Variants in BTBD1 observed in about 807,000 individuals in gnomAD.
BTBD1 encodes BTB/POZ domain-containing protein 1.
In BTBD1, 34 loss-of-function variants were observed where a neutral mutation model predicts 48.0. The observed-to-expected ratio is 0.71, with a 90% CI of 0.54 to 0.94. The LOEUF is 0.94. BTBD1 is among the 40% of genes least tolerant of loss of function. BTBD1 has a pLI of 0.00. For missense variants in BTBD1, 543 were observed against 625.6 expected, an observed-to-expected ratio of 0.87 and a Z score of 1.41; for synonymous variants, 261 against 242.1, an observed-to-expected ratio of 1.08 and a Z score of -0.72.
At chr15:83,055,317 GCGCAATCTCGGCTC>G (rs1256740638) in intron 2 of BTBD1, among the ~76,000 whole-genome samples, 1 of 152,136 alleles carries the variant, frequency 6.6e-6, no homozygotes, top group Non-Finnish European at 1.5e-5. Flanking sequence ...GACTGCAATG[GCGCAATCTCGGCTC>G]ACTGCAACCT....
intron 1 of BTBD1, among the ~76,000 whole-genome samples, chr15:83,061,086 C>A (rs985723925): frequency 1.3e-5 from 2 of 152,158 alleles, no homozygotes; most frequent in Non-Finnish European, 2.9e-5. Flanking sequence ...CATCATCATG[C>A]AAACATCATA....
At chr15:83,051,141 A>G (rs1196044886) in intron 2 of BTBD1, among the ~76,000 whole-genome samples, 3 of 152,042 alleles carry the variant, frequency 2.0e-5, no homozygotes, top group Non-Finnish European at 2.9e-5. Flanking sequence ...CATGCCAATG[A>G]CCAACCTTTC....
intron 3 of BTBD1, among the ~76,000 whole-genome samples, chr15:83,045,561 A>G (rs560322563): frequency 6.6e-6 from 1 of 152,224 alleles, no homozygotes; most frequent in Non-Finnish European, 1.5e-5. Flanking sequence ...GCTAAGAGCC[A>G]AATATTTGCT....
Position 83,066,994 on chromosome 15 carries a change from G to A in BTBD1, c.158C>T (p.Ala53Val). ...EPLYNWQATK[A>V]SLKERFAFLF... ...GAAGGCGAAGCGCTCCTTCAGCGACGCCTTGGTCGCCTGCCAGTTGTAGAG... is the reference window on the plus strand; with the variant it reads ...GAAGGCGAAGCGCTCCTTCAGCGACACCTTGGTCGCCTGCCAGTTGTAGAG... Residue 53 changes from alanine (A) to valine (V), a missense_variant, in exon 1 of 8, where the codon GCG (alanine) becomes GTG (valine). Physicochemically the swap from Ala to Val is moderately conservative, Grantham distance 64. Around this residue, in one of 3 missense-constraint regions of BTBD1, gnomAD observed 173 missense variants for 163.9 expected, o/e 1.06. Transcript: ENST00000261721. 6.3e-7 allele frequency: 1 copy of A among 1,585,628 alleles called. No homozygotes were observed. The highest frequency in any genetic ancestry group is 2.5e-5 in the East Asian group (1 of 40,634).
intron 3 of BTBD1, chr15:83,044,736 G>A: frequency 6.8e-7 from 1 of 1,468,330 alleles, no homozygotes; most frequent in Non-Finnish European, 9.4e-7. Flanking sequence ...CATGAACAAT[G>A]TCGCCTGTAC....
chr15:83,061,126 A>G (rs2033169077), intron 1 of BTBD1, among the ~76,000 whole-genome samples: 1 of 152,260 alleles, frequency 6.6e-6, no homozygotes, highest in African/African-American at 2.4e-5. Flanking sequence ...TCAATGGTAT[A>G]GCCTACTACG....
In BTBD1 at chr15:83,030,237, A is replaced by C; in HGVS notation, c.954T>G (p.Ile318Met). The C allele has an allele frequency of 1.2e-6, 2 of 1,614,096 alleles. No individual in the cohort carries two copies. The highest frequency in any genetic ancestry group is 1.7e-6 in the Non-Finnish European group (2 of 1,180,002). ...TVNPKPRVEY[I>M]DRPRCCLRGK... is the part of the protein sequence containing the mutation. ...CCCTGAGACAGCATCTTGGTCGGTCAATGTATTCAACTCGGGGTTTAGGGT... is the reference window on the plus strand; with the variant it reads ...CCCTGAGACAGCATCTTGGTCGGTCCATGTATTCAACTCGGGGTTTAGGGT... The change falls in exon 5 of 8, where the codon ATT becomes ATG. Residue 318 changes from isoleucine to methionine, a missense_variant. Transcript: ENST00000261721.
In BTBD1 at chr15:83,039,915, T is replaced by C. The variant is rs1284416598; in HGVS notation, c.862+1813A>G. Among the ~76,000 whole-genome samples, 4 of 151,556 alleles carry C rather than the reference T, an allele frequency of 2.6e-5. No homozygotes were observed. The East Asian group carries it at 5.8e-4, about 22-fold the overall frequency. ...TTCCACCAAAAGACACATGCACTCA[T>C]ATGTTCATCACAGCAACGACACTGA... On this transcript the variant is annotated intron_variant, in intron 4 of 7. Transcript: ENST00000261721.
intron 3 of BTBD1, chr15:83,044,358 C>A: frequency 6.7e-7 from 1 of 1,498,816 alleles, no homozygotes; most frequent in Non-Finnish European, 9.1e-7. Flanking sequence ...CCCGCCCGCC[C>A]GTGCCCACCA....
chr15:83,019,589 CTTT>C (rs1242041752), intron 6 of BTBD1, among the ~76,000 whole-genome samples: 3 of 132,954 alleles, frequency 2.3e-5, no homozygotes, highest in Admixed American at 1.5e-4. Context: ...AGCCTGGTGT[CTTT>C]TTTTTTTTTT....
chr15:83,030,837 G>A (rs1567104384), intron 4 of BTBD1: 1 of 152,116 alleles, frequency 6.6e-6, no homozygotes, highest in Non-Finnish European at 1.5e-5. Flanking sequence ...ACAACCCACA[G>A]AGTGGGAGAA....
At chr15:83,038,984 T>A (rs902307214) in intron 4 of BTBD1, among the ~76,000 whole-genome samples, 9 of 152,150 alleles carry the variant, frequency 5.9e-5, no homozygotes, top group African/African-American at 1.9e-4. Context: ...AGAGAATTTA[T>A]GACAAAGTCC....
chr15:83,065,093 A>G (rs192722442), intron 1 of BTBD1, among the ~76,000 whole-genome samples: 1 of 152,116 alleles, frequency 6.6e-6, no homozygotes, highest in Non-Finnish European at 1.5e-5. Context: ...ATTATATCTC[A>G]TCAAGTGAAC....
rs1731555370 is a variant in BTBD1 at position 83,067,252 on chromosome 15, C to T, written c.-101G>A. The T allele has an allele frequency of 4.1e-6, 5 of 1,217,244 alleles. No individual in the cohort carries two copies. The highest frequency in any genetic ancestry group is 2.4e-5 in the South Asian group (1 of 41,760). The allele number at this position is 1,217,244 out of a possible 1,614,324, so 75.4% of individuals were successfully genotyped here. A position where few individuals can be genotyped will look rare whatever the true frequency, so the allele number is the denominator to read the frequency against. Reference sequence around the variant, plus strand: ...CTGCCTCCCTGCCTTCCGGGAAAGGCGCTTCCGGGGGCCTCGCGCCTCCGC... The same window carrying T: ...CTGCCTCCCTGCCTTCCGGGAAAGGTGCTTCCGGGGGCCTCGCGCCTCCGC... On this transcript the variant is annotated 5_prime_UTR_variant, in exon 1 of 8. Coordinates refer to ENST00000261721, the MANE Select transcript of BTBD1 (RefSeq NM_025238.4).
intron 3 of BTBD1, among the ~76,000 whole-genome samples, chr15:83,049,289 G>C (rs1430248780): frequency 6.6e-6 from 1 of 152,144 alleles, no homozygotes; most frequent in Non-Finnish European, 1.5e-5. Flanking sequence ...GGATGTGAGA[G>C]GAAACTAGAG....
At chr15:83,022,407 T>G (rs1416448057) in intron 5 of BTBD1, 2 of 152,056 alleles carry the variant, frequency 1.3e-5, no homozygotes, top group African/African-American at 4.8e-5. Context: ...GCACAGTGCC[T>G]CATGACTGTA....
intron 4 of BTBD1, among the ~76,000 whole-genome samples, chr15:83,036,182 C>G (rs1421414650): frequency 8.1e-6 from 1 of 123,062 alleles, no homozygotes; most frequent in Non-Finnish European, 1.7e-5. Flanking sequence ...AAAGATGTGA[C>G]AAGTAGAAAA....
chr15:83,045,990 C>T (rs2032870242), intron 3 of BTBD1, among the ~76,000 whole-genome samples: 1 of 152,114 alleles, frequency 6.6e-6, no homozygotes, highest in African/African-American at 2.4e-5. Context: ...TCTCTTCCTC[C>T]AGAACACATA....
intron 5 of BTBD1, among the ~76,000 whole-genome samples, chr15:83,027,927 T>C (rs1454773383): frequency 6.6e-6 from 1 of 152,242 alleles, no homozygotes; most frequent in Non-Finnish European, 1.5e-5. Flanking sequence ...CCAAAGTCTA[T>C]GTATTGAACT....
Sources: gnomAD v4.1 joint callset for allele counts (sites outside exome capture counted in the v4.1 genomes callset) on GRCh38, gnomAD v4.1.1 for gene constraint, gnomAD v4.1.1 regional missense constraint, MANE v1.5 for transcripts, NCBI Gene and HGNC (gene_info 2026-07-23, HGNC 2026-07-21) for gene names.